The following LSM14A variants were observed in gnomAD, a reference collection of about 807,000 sequenced individuals.
The protein encoded by LSM14A is protein LSM14 homolog A.
In LSM14A, 14 loss-of-function variants were observed where a neutral mutation model predicts 52.4. The observed-to-expected ratio is 0.27, with a 90% CI of 0.18 to 0.42. The LOEUF (loss-of-function observed/expected upper bound fraction) is 0.42. Among genes scored for constraint, LSM14A ranks in the 10% least tolerant of loss-of-function variants. LSM14A has a pLI of 1.00. For synonymous variants in LSM14A, 185 were observed against 200.3 expected (o/e 0.92, Z 0.64); for missense variants, 417 against 581.8 (o/e 0.72, Z 2.91).
At chr19:34,179,649 C>T (rs2069332791) in intron 1 of LSM14A, among the ~76,000 whole-genome samples, 1 of 150,910 alleles carries the variant, frequency 6.6e-6, no homozygotes, top group South Asian at 2.1e-4. Flanking sequence ...TTTTCTAAGT[C>T]GGAAGTAAAG....
At chr19:34,207,497 C>G (rs912120781) in intron 3 of LSM14A, among the ~76,000 whole-genome samples, 26 of 151,646 alleles carry the variant, frequency 1.7e-4, no homozygotes, top group Non-Finnish European at 3.1e-4. Flanking sequence ...AGTGGCTCCC[C>G]TTGTCTAAGA....
rs776334869 is a variant in LSM14A at position 34,215,224 on chromosome 19, GAGA to G, written c.642_644del (p.Arg215del). 3 of 1,614,220 alleles carry G rather than the reference GAGA, an allele frequency of 1.9e-6. No individual in the cohort carries two copies. The highest frequency in any genetic ancestry group is 2.5e-6 in the Non-Finnish European group (3 of 1,180,046). On this transcript the variant is annotated inframe_deletion, in exon 5 of 10. Coordinates refer to ENST00000544216, the MANE Select transcript of LSM14A (RefSeq NM_015578.4). ...ACTTACCTGCTCCAGCAGCTGTTGG[GAGA>G]AGGAGTCCTGTATCAACCAGGCCTT...
chr19:34,185,602 A>G (rs2069839168), intron 1 of LSM14A, among the ~76,000 whole-genome samples: 1 of 152,128 alleles, frequency 6.6e-6, no homozygotes, highest in Admixed American at 6.5e-5. Flanking sequence ...CTACCATGCT[A>G]CCTTCAGGGC....
At chr19:34,214,330 G>T (rs1456017658) in intron 4 of LSM14A, among the ~76,000 whole-genome samples, 1 of 142,028 alleles carries the variant, frequency 7.0e-6, no homozygotes, top group Non-Finnish European at 1.5e-5. Context: ...ATTTATTTAT[G>T]AGACAGGGCC....
chr19:34,192,317 TTG>T lies in LSM14A; in HGVS notation c.122-2159_122-2158del, dbSNP rs1491380780. On this transcript the variant is annotated intron_variant, in intron 1 of 9. Transcript: ENST00000544216. The stretch of plus-strand genomic sequence containing the variant: ...TTACACTGAAATAACATTCTTTTTG[TTG>T]TTTTTTTTTTTTTTTTTTTTTTTGG... Among the ~76,000 whole-genome samples, 56 of 64,728 alleles carry T rather than the reference TTG, an allele frequency of 8.7e-4. 3 individuals are homozygous for T. Among genetic ancestry groups the T allele is most frequent in the Non-Finnish European group, 1.1e-3 (38 of 34,100 alleles). 42.5% of individuals were successfully genotyped at this position (64,728 alleles called of 152,430 possible).
intron 1 of LSM14A, among the ~76,000 whole-genome samples, chr19:34,193,348 A>G (rs2070602728): frequency 6.6e-6 from 1 of 152,036 alleles, no homozygotes; most frequent in South Asian, 2.1e-4. Context: ...TTTTGTAGAG[A>G]CAGAACATCA....
chr19:34,193,222 G>A (rs1401652295), intron 1 of LSM14A, among the ~76,000 whole-genome samples: 3 of 152,180 alleles, frequency 2.0e-5, no homozygotes, highest in African/African-American at 7.2e-5. Context: ...GTGCAGCCAC[G>A]CTTCAGTACA....
chr19:34,210,263 A>AT (rs931428780), intron 4 of LSM14A, among the ~76,000 whole-genome samples: 41 of 151,312 alleles, frequency 2.7e-4, no homozygotes, highest in Non-Finnish European at 5.3e-4. Flanking sequence ...GATTAGCTTA[A>AT]TTTTTTTCTT....
chr19:34,216,717 C>T (rs915091567), intron 6 of LSM14A, among the ~76,000 whole-genome samples: 6 of 152,098 alleles, frequency 3.9e-5, no homozygotes, highest in Admixed American at 6.5e-5. Context: ...CTCAGCCTCC[C>T]GAAGTATTGG....
chr19:34,216,721 G>A (rs1045128231), intron 6 of LSM14A, among the ~76,000 whole-genome samples: 3 of 152,212 alleles, frequency 2.0e-5, no homozygotes, highest in African/African-American at 7.2e-5. Flanking sequence ...GCCTCCCGAA[G>A]TATTGGGATT....
chr19:34,226,395 T>TAAA, intron 9 of LSM14A: 1 of 1,491,486 alleles, frequency 6.7e-7, no homozygotes, highest in Non-Finnish European at 8.9e-7. Flanking sequence ...TTTTTTTTTT[T>TAAA]TTTACCTTTC....
rs1236232594 is a variant in LSM14A, at chr19:34,213,920, A to G, written c.539-1204A>G. Among the ~76,000 whole-genome samples the G allele has an allele frequency of 2.0e-5, 3 of 152,152 alleles. No individual in the cohort carries two copies. The East Asian group carries it at 5.8e-4, about 29-fold the overall frequency. On this transcript the variant is annotated intron_variant, in intron 4 of 9. Transcript: ENST00000544216. ...TTCAGCCCCCTGAGTAGCTGGGGTT[A>G]CAGGCATGTGCCACCACACCTGGCT... is the stretch of plus-strand genomic sequence containing the variant.
intron 1 of LSM14A, among the ~76,000 whole-genome samples, chr19:34,189,270 A>C (rs117001609): frequency 1.3e-5 from 2 of 152,300 alleles, no homozygotes; most frequent in Non-Finnish European, 2.9e-5. Context: ...TTCAGAGATT[A>C]AGATGTCAGG....
chr19:34,182,047 A>C (rs1400579885), intron 1 of LSM14A, among the ~76,000 whole-genome samples: 1 of 152,050 alleles, frequency 6.6e-6, no homozygotes, highest in Non-Finnish European at 1.5e-5. Flanking sequence ...TCTGCTTTCA[A>C]ACTAGATGCA....
At chr19:34,203,652 A>C (rs974464645) in intron 3 of LSM14A, among the ~76,000 whole-genome samples, 1 of 152,058 alleles carries the variant, frequency 6.6e-6, no homozygotes, top group African/African-American at 2.4e-5. Flanking sequence ...ATACAAAAAA[A>C]ATGAGCCGGG....
At chr19:34,187,135 G>C (rs989764389) in intron 1 of LSM14A, among the ~76,000 whole-genome samples, 10 of 151,454 alleles carry the variant, frequency 6.6e-5, no homozygotes, top group Non-Finnish European at 8.8e-5. Flanking sequence ...TGTAGTTCCA[G>C]TTACTCAGGA....
intron 9 of LSM14A, chr19:34,221,947 G>A (rs1391348501): frequency 2.9e-6 from 2 of 693,358 alleles, no homozygotes; most frequent in Non-Finnish European, 3.6e-6. Context: ...TTTATTTCAT[G>A]TTAACAGAAT....
intron 3 of LSM14A, among the ~76,000 whole-genome samples, chr19:34,207,366 C>G (rs1256949170): frequency 6.6e-6 from 1 of 152,064 alleles, no homozygotes; most frequent in Non-Finnish European, 1.5e-5. Context: ...GTTCTACTCC[C>G]CACAGAATTC....
In LSM14A at chr19:34,175,894, TG is replaced by T. The variant is rs1396645542; in HGVS notation, c.121+3132del. The stretch of plus-strand genomic sequence containing the variant: ...TTGTTTTGAGACAGAGTCTTGCTCT[TG>T]CCCAGGCTGGAGTGCAGTGGTGCGA... On this transcript the variant is annotated intron_variant, in intron 1 of 9. Transcript: ENST00000544216. Among the ~76,000 whole-genome samples, 3 of 152,304 alleles carry T rather than the reference TG, an allele frequency of 2.0e-5. No individual in the cohort carries two copies. In the East Asian group the frequency reaches 5.8e-4, roughly 29 times the overall value.
Sources: allele counts gnomAD v4.1 joint callset (sites outside exome capture counted in the v4.1 genomes callset), GRCh38; gene constraint gnomAD v4.1.1; transcripts MANE v1.5; gene names NCBI Gene and HGNC (gene_info 2026-07-23, HGNC 2026-07-21).